ESPL1: variants seen among roughly 807,000 people sequenced by gnomAD.
The protein encoded by ESPL1 is separin.
A neutral mutation model predicts 217.2 loss-of-function variants in ESPL1; 50 were observed. The ratio of observed to expected loss-of-function variants is 0.23; its 90% CI spans 0.18 to 0.29. The LOEUF (loss-of-function observed/expected upper bound fraction) is 0.29. Ranked by LOEUF, ESPL1 falls within the 10% of genes least tolerant of loss-of-function variation. ESPL1 has a pLI of 1.00. For missense variants in ESPL1, 1,834 were observed against 2,603.0 expected, an observed-to-expected ratio of 0.70 and a Z score of 6.43; for synonymous variants, 994 against 1,081.3, an observed-to-expected ratio of 0.92 and a Z score of 1.58.
Position 53,292,121 on chromosome 12 carries a change from T to C in ESPL1, c.5796+33T>C. The C allele has an allele frequency of 1.3e-6, 2 of 1,556,136 alleles. No individual in the cohort carries two copies. Among genetic ancestry groups the C allele is most frequent in the Non-Finnish European group, 1.8e-6 (2 of 1,127,230 alleles). On this transcript the variant is annotated intron_variant, in intron 27 of 30. Transcript: ENST00000257934. The surrounding 1 kb of genome is among the most constrained non-coding windows in gnomAD (Gnocchi z 4.5). ...TCAGGGCGTAGTGTCTGGGGATGAC[T>C]GGCGACTGGGGAAGACGTCAACAAA...
intron 13 of ESPL1, among the ~76,000 whole-genome samples, 170 bp downstream of exon 13, chr12:53,281,796 GTCC>G (rs1373547958): frequency 1.3e-5 from 2 of 152,170 alleles, no homozygotes; most frequent in Non-Finnish European, 2.9e-5. Context: ...TTGCTCACCA[GTCC>G]TCCTCTGGTA....
Position 53,286,723 on chromosome 12 carries a change from C to T in ESPL1, c.3987C>T (p.Arg1329=). 6.2e-7 allele frequency: 1 copy of T among 1,614,146 alleles called. No individual in the cohort carries two copies. The highest frequency in any genetic ancestry group is 8.5e-7 in the Non-Finnish European group (1 of 1,180,034). The change falls in exon 18 of 31, where the codon CGC becomes CGT. Residue 1329 remains arginine (R), a synonymous_variant. Coordinates refer to ENST00000257934, the MANE Select transcript of ESPL1 (RefSeq NM_012291.5). The surrounding 1 kb of genome is among the most constrained non-coding windows in gnomAD (Gnocchi z 5.3). The stretch of plus-strand genomic sequence containing the variant: ...AAAAGTTAGCCTCTGCTCCCCTGCG[C>T]CTCAATAATACCTCTCAGAAAGGTC... ...GRQKLASAPL[R]LNNTSQKGLE...
At chr12:53,289,008 A>C in intron 20 of ESPL1, 82 bp from the exon 21 acceptor site, 3 of 1,132,854 alleles carry the variant, frequency 2.6e-6, no homozygotes, top group Non-Finnish European at 4.0e-6. Context: ...GAGATGAGAT[A>C]GGGACTGTTC....
Position 53,288,074 on chromosome 12 carries a change from C to T in ESPL1, c.4279C>T (p.Arg1427Ter). 1.2e-6 allele frequency: 2 copies of T among 1,613,596 alleles called. No individual in the cohort carries two copies. The highest frequency in any genetic ancestry group is 2.2e-5 in the East Asian group (1 of 44,882). Residue 1427 changes from arginine (R) to a stop codon, truncating the protein, a stop_gained, in exon 19 of 31, where the codon CGA (arginine) becomes TGA (stop). Transcript: ENST00000257934. LOFTEE classifies it high-confidence loss of function. ...RRGTASRGRG[R>*]ARKGLSLKTD... The stretch of plus-strand genomic sequence containing the variant: ...GGGCACTGCTTCCCGGGGCCGGGGG[C>T]GAGCAAGGAAGGGCCTGAGCCTAAA...
Position 53,283,215 on chromosome 12 carries a change from T to C in ESPL1, c.2878T>C (p.Ser960Pro). 6.2e-7 allele frequency: 1 copy of C among 1,614,182 alleles called. No homozygotes were observed. The highest frequency in any genetic ancestry group is 1.6e-4 in the Middle Eastern group (1 of 6,062). ...ILLLMGSDIL[S>P]TQKAAVETSF... Reference sequence around the variant, plus strand: ...CCTGCTGATGGGCAGTGACATTCTCTCAACTCAGAAAGCAGCTGTGGAGAC... The same window carrying C: ...CCTGCTGATGGGCAGTGACATTCTCCCAACTCAGAAAGCAGCTGTGGAGAC... Residue 960 changes from serine to proline, a missense_variant, in exon 15 of 31, where the codon TCA becomes CCA. Transcript: ENST00000257934.
chr12:53,271,011 C>T (rs1386949009), intron 5 of ESPL1, among the ~76,000 whole-genome samples: 2 of 151,978 alleles, frequency 1.3e-5, no homozygotes, highest in African/African-American at 4.8e-5. Context: ...ACTATTTCCT[C>T]GACTGGAATC....
At position 53,288,247 on chromosome 12, in the gene ESPL1, C is replaced by A; in HGVS notation, c.4452C>A (p.Ile1484=). Residue 1484 remains isoleucine (I), a synonymous_variant, in exon 19 of 31, where the codon ATC becomes ATA. Coordinates refer to ENST00000257934, the MANE Select transcript of ESPL1 (RefSeq NM_012291.5). The stretch of plus-strand genomic sequence containing the variant: ...ACCAGGCCAGGCCTGGCCCTGAGAT[C>A]ATGAGGACCATCCCTGAGGAAGAAC... ...ASDQARPGPE[I]MRTIPEEELT... is the part of the protein sequence containing the mutation. 6.2e-7 allele frequency: 1 copy of A among 1,608,802 alleles called. No homozygotes were observed. Among genetic ancestry groups the A allele is most frequent in the Non-Finnish European group, 8.5e-7 (1 of 1,178,076 alleles).
rs779582000 is a variant in ESPL1, at chr12:53,292,859, G to A, written c.6050G>A (p.Arg2017Gln). ...TTCCTTGATGGGCAGGCTGTCCTGC[G>A]GCTGAGCTGTCGGGCAGTGGCCCTG... ...ARFLDGQAVL[R>Q]LSCRAVALLF... The change falls in exon 30 of 31, where the codon CGG becomes CAG. Residue 2017 changes from arginine to glutamine, a missense_variant. Physicochemically the swap from Arg to Gln is conservative, Grantham distance 43. Around this residue, in one of 5 missense-constraint regions of ESPL1, gnomAD observed 295 missense variants for 519.8 expected, o/e 0.57. Transcript: ENST00000257934. This position sits in a 1 kb window ranked among gnomAD's most constrained non-coding sequence, Gnocchi z 4.5. 1.6e-5 allele frequency: 26 copies of A among 1,612,682 alleles called. No homozygotes were observed. The highest frequency in any genetic ancestry group is 1.3e-4 in the East Asian group (6 of 44,898).
intron 5 of ESPL1, among the ~76,000 whole-genome samples, chr12:53,272,338 G>A (rs1365222317): frequency 4.6e-5 from 7 of 152,084 alleles, no homozygotes; most frequent in African/African-American, 9.7e-5. Context: ...CATGACGGGG[G>A]GCAAGTTACC....
At position 53,293,610 on chromosome 12, in the gene ESPL1, C is replaced by T. The variant is rs1944101326; in HGVS notation, c.*136C>T. On this transcript the variant is annotated 3_prime_UTR_variant, in exon 31 of 31. Coordinates refer to ENST00000257934, the MANE Select transcript of ESPL1 (RefSeq NM_012291.5). This position sits in a 1 kb window ranked among gnomAD's most constrained non-coding sequence, Gnocchi z 4.2. ...ATGAAACATTTCCTTTTGATTTAACCTCAGTATAATAAAGATACATCATTT... is the reference window on the plus strand; with the variant it reads ...ATGAAACATTTCCTTTTGATTTAACTTCAGTATAATAAAGATACATCATTT... 3 of 672,966 alleles carry T rather than the reference C, an allele frequency of 4.5e-6. No homozygotes were observed. Among genetic ancestry groups the T allele is most frequent in the East Asian group, 2.6e-5 (1 of 37,806 alleles). 41.7% of individuals were successfully genotyped at this position (672,966 alleles called of 1,614,324 possible).
intron 6 of ESPL1, chr12:53,274,532 C>T (rs762052806): frequency 1.0e-5 from 3 of 286,174 alleles, no homozygotes; most frequent in Non-Finnish European, 2.0e-5. Context: ...ATTTCTTACT[C>T]AGGAGAAGGC....
chr12:53,283,173 C>T lies in ESPL1; in HGVS notation c.2836C>T (p.Leu946Phe). 2.5e-6 allele frequency: 4 copies of T among 1,614,206 alleles called. No individual in the cohort carries two copies. Among genetic ancestry groups the T allele is most frequent in the Non-Finnish European group, 2.5e-6 (3 of 1,180,038 alleles). The change falls in exon 15 of 31, where the codon CTC (leucine) becomes TTC (phenylalanine). Residue 946 changes from leucine (L) to phenylalanine (F), a missense_variant. Physicochemically the swap from Leu to Phe is conservative, Grantham distance 22. This residue lies in a region of ESPL1 where 107 missense variants were observed against 171.7 expected (regional missense o/e 0.62). Coordinates refer to ENST00000257934, the MANE Select transcript of ESPL1 (RefSeq NM_012291.5). ...AGCTCTCATAGACTCCCATAAGCTCCTCCGAAGCATCATCCTCCTGCTGAT... is the reference window on the plus strand; with the variant it reads ...AGCTCTCATAGACTCCCATAAGCTCTTCCGAAGCATCATCCTCCTGCTGAT... ...EIALIDSHKL[L>F]RSIILLLMGS...
chr12:53,278,246 A>G (rs1943804014), intron 11 of ESPL1, among the ~76,000 whole-genome samples: 1 of 152,138 alleles, frequency 6.6e-6, no homozygotes, highest in South Asian at 2.1e-4. Context: ...TGGAAGAGGT[A>G]TTGTGTAAAT....
In ESPL1 at chr12:53,290,754, C is replaced by T. The variant is rs116495116; in HGVS notation, c.5365-87C>T. 6.2e-5 allele frequency: 17 copies of T among 274,844 alleles called. No individual in the cohort carries two copies. In the Middle Eastern group the frequency reaches 5.2e-3, roughly 84 times the overall value. The allele number at this position is 274,844 out of a possible 1,614,324, so 17.0% of individuals were successfully genotyped here. On this transcript the variant is annotated intron_variant, in intron 24 of 30. Transcript: ENST00000257934. ...TAAGACAGACATGCACATTGGAAAA[C>T]GCATTTTCTCATCTCCAAAATGTCA...
In ESPL1 at chr12:53,271,174, T is replaced by G. The variant is rs1482811295; in HGVS notation, c.1369+376T>G. 1.5e-5 allele frequency among the ~76,000 whole-genome samples: 2 copies of G among 135,338 alleles called. 1 individual carries two copies. The allele number at this position is 135,338 out of a possible 152,430, so 88.8% of individuals were successfully genotyped here. A position where few individuals can be genotyped will look rare whatever the true frequency, so the allele number is the denominator to read the frequency against. On this transcript the variant is annotated intron_variant, in intron 5 of 30. Coordinates refer to ENST00000257934, the MANE Select transcript of ESPL1 (RefSeq NM_012291.5). ...ATGACCTTTCTGTATATTTAAGTGT[T>G]TTTTTTTTTTTTTTTTTGAGACAAG...
intron 11 of ESPL1, among the ~76,000 whole-genome samples, chr12:53,278,770 T>C (rs1025132480): frequency 5.3e-5 from 8 of 151,656 alleles, no homozygotes; most frequent in South Asian, 2.1e-4. Context: ...TTTGTATTTT[T>C]AGTATAGACA....
Position 53,292,664 on chromosome 12 carries a change from G to A in ESPL1, c.5996+7G>A, listed in dbSNP as rs1234226782. 5 of 1,611,832 alleles carry A rather than the reference G, an allele frequency of 3.1e-6. No homozygotes were observed. The Admixed American group carries it at 6.7e-5, about 21-fold the overall frequency. ...CAAAGCATGATTTGTATATGTGAGT[G>A]CTTAAGGCAGGGATGTGGGGAGAGG... is the stretch of plus-strand genomic sequence containing the variant. On this transcript the variant is annotated splice_region_variant and intron_variant, in intron 29 of 30. Transcript: ENST00000257934. This position sits in a 1 kb window ranked among gnomAD's most constrained non-coding sequence, Gnocchi z 4.5.
chr12:53,279,698 G>A (rs771725639), intron 11 of ESPL1, 34 bp from the exon 12 acceptor site: 1 of 1,613,738 alleles, frequency 6.2e-7, no homozygotes, highest in South Asian at 1.1e-5. Context: ...GCTTGAGCAG[G>A]GGTGGAGTAA....
intron 11 of ESPL1, among the ~76,000 whole-genome samples, chr12:53,278,863 G>A (rs1943815785): frequency 6.6e-6 from 1 of 151,744 alleles, no homozygotes; most frequent in South Asian, 2.1e-4. Flanking sequence ...TGGGATTACA[G>A]GCGTGAGCCA....
Sources: allele counts gnomAD v4.1 joint callset (sites outside exome capture counted in the v4.1 genomes callset), GRCh38; gene constraint gnomAD v4.1.1; regional missense constraint gnomAD v4.1.1; non-coding constraint Gnocchi (gnomAD v3.1); transcripts MANE v1.5; gene names NCBI Gene and HGNC (gene_info 2026-07-23, HGNC 2026-07-21).